ADGRL3: variants seen among roughly 807,000 people sequenced by gnomAD.
The protein encoded by ADGRL3 is calcium-independent alpha-latrotoxin receptor 3.
Under a neutral mutation model 153.5 loss-of-function variants are expected in ADGRL3, and 62 were observed. The observed-to-expected ratio is 0.40, with a 90% CI of 0.33 to 0.50. ADGRL3 has a LOEUF of 0.50. Ranked by LOEUF, ADGRL3 falls within the 20% of genes least tolerant of loss-of-function variation. The pLI is 0.47. For synonymous variants in ADGRL3, 710 were observed against 672.5 expected, an observed-to-expected ratio of 1.06 and a Z score of -0.86; for missense variants, 1,641 against 1,859.4, an observed-to-expected ratio of 0.88 and a Z score of 2.16.
At chr4:61,353,632 G>A (rs1191783597) in intron 1 of ADGRL3, among the ~76,000 whole-genome samples, 1 of 128,192 alleles carries the variant, frequency 7.8e-6, no homozygotes, top group Non-Finnish European at 1.6e-5. Flanking sequence ...GTAGAAACGA[G>A]GTCTCACTAT....
At chr4:61,756,241 C>G (rs1580657649) in intron 8 of ADGRL3, among the ~76,000 whole-genome samples, 1 of 152,150 alleles carries the variant, frequency 6.6e-6, no homozygotes, top group Non-Finnish European at 1.5e-5. Flanking sequence ...TTGATTCTTC[C>G]TACCCATGAG....
intron 1 of ADGRL3, among the ~76,000 whole-genome samples, chr4:61,369,481 A>G (rs1486651559): frequency 2.0e-5 from 3 of 152,122 alleles, no homozygotes; most frequent in Non-Finnish European, 4.4e-5. Context: ...GCATCTATTG[A>G]GATAATCATG....
At chr4:61,743,635 A>G (rs1053296303) in intron 8 of ADGRL3, among the ~76,000 whole-genome samples, 1 of 152,196 alleles carries the variant, frequency 6.6e-6, no homozygotes, top group Non-Finnish European at 1.5e-5. Flanking sequence ...GAAAGTTAAG[A>G]CTTCTGTATT....
At chr4:61,927,240 G>T (rs905368377) in intron 13 of ADGRL3, among the ~76,000 whole-genome samples, 1 of 152,118 alleles carries the variant, frequency 6.6e-6, no homozygotes, top group Non-Finnish European at 1.5e-5. Context: ...AGTCAGGTCT[G>T]TAGATCCATT....
At chr4:61,769,520 G>A (rs1051106320) in intron 8 of ADGRL3, among the ~76,000 whole-genome samples, 14 of 152,138 alleles carry the variant, frequency 9.2e-5, no homozygotes, top group African/African-American at 2.7e-4. Flanking sequence ...GAGGTCCCCC[G>A]ATCCGAGTCA....
At chr4:61,437,519 A>C in intron 2 of ADGRL3, among the ~76,000 whole-genome samples, 1 of 152,078 alleles carries the variant, frequency 6.6e-6, no homozygotes, top group East Asian at 1.9e-4. Context: ...TATATGTGTG[A>C]TTTCTTGCTG....
chr4:61,863,503 C>T (rs527869954), intron 9 of ADGRL3, among the ~76,000 whole-genome samples: 1 of 152,060 alleles, frequency 6.6e-6, no homozygotes, highest in South Asian at 2.1e-4. Context: ...TCCCAAAGTG[C>T]TGGGATTACA....
At chr4:61,520,640 T>G (rs1447125703) in intron 4 of ADGRL3, among the ~76,000 whole-genome samples, 2 of 57,132 alleles carry the variant, frequency 3.5e-5, no homozygotes, top group Non-Finnish European at 7.8e-5. Context: ...ATGAGGAGGC[T>G]TCTATAAACC....
chr4:61,200,450 C>G lies in ADGRL3; in HGVS notation c.-1555C>G, dbSNP rs1318951008. The stretch of plus-strand genomic sequence containing the variant: ...CCTCGCCTGCTGGCCCGGCACCGCT[C>G]GCTCCAGTTCCCAGGAGCGGGGATG... On this transcript the variant is annotated 5_prime_UTR_variant, in exon 1 of 27. Transcript: ENST00000683033. Among the ~76,000 whole-genome samples the G allele has an allele frequency of 2.0e-5, 3 of 151,752 alleles. No individual in the cohort carries two copies. The highest frequency in any genetic ancestry group is 4.4e-5 in the Non-Finnish European group (3 of 67,924).
At chr4:62,008,055 C>T (rs1219564517) in intron 21 of ADGRL3, among the ~76,000 whole-genome samples, 2 of 152,148 alleles carry the variant, frequency 1.3e-5, no homozygotes, top group East Asian at 3.9e-4. Context: ...CTTTGGTGAA[C>T]TTGACAAAGG....
At chr4:61,543,123 A>G (rs1452092249) in intron 4 of ADGRL3, among the ~76,000 whole-genome samples, 1 of 151,576 alleles carries the variant, frequency 6.6e-6, no homozygotes, top group East Asian at 1.9e-4. Flanking sequence ...TATGGTAGGC[A>G]GAATTATCCC....
intron 6 of ADGRL3, among the ~76,000 whole-genome samples, chr4:61,686,122 A>G (rs985318575): frequency 1.3e-5 from 2 of 152,142 alleles, no homozygotes; most frequent in African/African-American, 4.8e-5. Flanking sequence ...TTTATTCAAA[A>G]TAGGAAAATA....
At chr4:61,251,785 T>C (rs1426979894) in intron 1 of ADGRL3, among the ~76,000 whole-genome samples, 1 of 152,006 alleles carries the variant, frequency 6.6e-6, no homozygotes, top group African/African-American at 2.4e-5. Flanking sequence ...AGGATTTTTT[T>C]TTTTTTTTCA....
chr4:62,048,070 C>T (rs540302239), intron 25 of ADGRL3, among the ~76,000 whole-genome samples: 11 of 152,166 alleles, frequency 7.2e-5, no homozygotes, highest in Admixed American at 5.2e-4. Context: ...GTAGTCAGCA[C>T]TCAATCCTCA....
At chr4:61,878,215 C>G (rs983052142) in intron 9 of ADGRL3, among the ~76,000 whole-genome samples, 1 of 152,138 alleles carries the variant, frequency 6.6e-6, no homozygotes, top group Non-Finnish European at 1.5e-5. Flanking sequence ...AGGGACCAAC[C>G]ATGTGACCTC....
rs904980341 is a variant in ADGRL3 at position 61,733,265 on chromosome 4, T to C, written c.1110T>C (p.Asp370=). The change falls in exon 8 of 27, where the codon GAT becomes GAC. Residue 370 remains aspartate (D), a synonymous_variant. Transcript: ENST00000683033. The part of the protein sequence containing the change: ...PYTLRIEGTW[D]TAYDKRSASN... ...CCCTACGGATCGAAGGAACATGGGA[T>C]ACTGCATATGATAAAAGGTCAGCTT... 1.9e-6 allele frequency: 3 copies of C among 1,613,804 alleles called. No individual in the cohort carries two copies. Among genetic ancestry groups the C allele is most frequent in the Non-Finnish European group, 2.5e-6 (3 of 1,179,830 alleles).
intron 1 of ADGRL3, among the ~76,000 whole-genome samples, chr4:61,299,995 G>C (rs1259172672): frequency 1.3e-5 from 2 of 152,148 alleles, no homozygotes; most frequent in African/African-American, 4.8e-5. Flanking sequence ...AGCCATAGCT[G>C]TATGTTGCAG....
At chr4:61,924,479 A>G (rs776998533) in intron 13 of ADGRL3, among the ~76,000 whole-genome samples, 7 of 152,138 alleles carry the variant, frequency 4.6e-5, no homozygotes, top group Non-Finnish European at 1.0e-4. Flanking sequence ...TTTCCAGCCA[A>G]TTTCTCAATA....
At chr4:61,774,739 A>G (rs1005519859) in intron 8 of ADGRL3, among the ~76,000 whole-genome samples, 1 of 152,154 alleles carries the variant, frequency 6.6e-6, no homozygotes, top group Non-Finnish European at 1.5e-5. Context: ...GTTCTATTTT[A>G]TTATAAATTA....
Sources: gnomAD v4.1 joint callset for allele counts (sites outside exome capture counted in the v4.1 genomes callset) on GRCh38, gnomAD v4.1.1 for gene constraint, MANE v1.5 for transcripts, NCBI Gene and HGNC (gene_info 2026-07-23, HGNC 2026-07-21) for gene names.